Variants in HIVEP3 observed in about 807,000 individuals in gnomAD.
HIVEP3 encodes the protein transcription factor HIVEP3.
In HIVEP3, 49 loss-of-function variants were observed where a neutral mutation model predicts 152.8. The observed-to-expected ratio is 0.32, with a 90% CI of 0.26 to 0.41. The LOEUF is 0.41. Ranked by LOEUF, HIVEP3 falls within the 10% of genes least tolerant of loss-of-function variation. The pLI, the probability that HIVEP3 is intolerant of heterozygous loss-of-function variation, is 1.00. For synonymous variants in HIVEP3, 1,269 were observed against 1,289.0 expected (o/e 0.98, Z 0.33); for missense variants, 2,790 against 3,103.3 (o/e 0.90, Z 2.40).
intron 1 of HIVEP3, among the ~76,000 whole-genome samples, chr1:41,888,306 C>A (rs777298969): frequency 8.6e-5 from 13 of 150,640 alleles, no homozygotes; most frequent in Non-Finnish European, 1.5e-4. Flanking sequence ...CCCACCTTGG[C>A]CTCCCAAAGT....
chr1:41,806,033 C>T (rs965690495), intron 1 of HIVEP3, among the ~76,000 whole-genome samples: 1 of 152,170 alleles, frequency 6.6e-6, no homozygotes, highest in African/African-American at 2.4e-5. Context: ...ATGGTAGAAG[C>T]AGTACCAGCT....
chr1:41,906,770 G>A (rs537800128), intron 1 of HIVEP3, among the ~76,000 whole-genome samples: 2 of 151,980 alleles, frequency 1.3e-5, no homozygotes, highest in South Asian at 2.1e-4. Flanking sequence ...TGAAGCTAAC[G>A]GTGAGAGTTA....
At chr1:41,880,480 T>C (rs1413575014) in intron 1 of HIVEP3, among the ~76,000 whole-genome samples, 1 of 152,212 alleles carries the variant, frequency 6.6e-6, no homozygotes, top group African/African-American at 2.4e-5. Flanking sequence ...GCACCAACTC[T>C]GTAAACACAC....
At chr1:41,702,604 G>T (rs908830301) in intron 1 of HIVEP3, among the ~76,000 whole-genome samples, 1 of 152,040 alleles carries the variant, frequency 6.6e-6, no homozygotes, top group Non-Finnish European at 1.5e-5. Context: ...GATATTGCAG[G>T]TCATTATTAT....
intron 1 of HIVEP3, among the ~76,000 whole-genome samples, chr1:41,741,885 C>A (rs1558229479): frequency 6.6e-6 from 1 of 152,264 alleles, no homozygotes; most frequent in African/African-American, 2.4e-5. Flanking sequence ...ATAGTAGGTA[C>A]TCAGCAAATC....
chr1:41,813,509 G>C (rs1651089299), intron 1 of HIVEP3, among the ~76,000 whole-genome samples: 1 of 152,176 alleles, frequency 6.6e-6, no homozygotes. Context: ...CCTTGCAATT[G>C]TCCATCCCCA....
At chr1:42,017,328 A>T (rs1212287069) in intron 1 of HIVEP3, among the ~76,000 whole-genome samples, 1 of 152,160 alleles carries the variant, frequency 6.6e-6, no homozygotes, top group Non-Finnish European at 1.5e-5. Context: ...AATGAAGTAT[A>T]AGATACATAC....
At chr1:41,899,323 A>T (rs1289305556) in intron 1 of HIVEP3, among the ~76,000 whole-genome samples, 1 of 152,212 alleles carries the variant, frequency 6.6e-6, no homozygotes, top group Non-Finnish European at 1.5e-5. Context: ...TGTCTACCTA[A>T]AAAGAAAAAT....
chr1:41,513,629 A>T lies in HIVEP3; in HGVS notation c.5592T>A (p.Asp1864Glu). The change falls in exon 8 of 9, where the codon GAT becomes GAA. Residue 1864 changes from aspartate (D) to glutamate (E), a missense_variant. Transcript: ENST00000372583. ...CATCCTGGCTCTCCTCCTCATCCTC[A>T]TCCTCGTCTTCGTCCAGGTCTGAGT... ...DSDSDLDEDE[D>E]EDEEESQDEL... The T allele has an allele frequency of 2.5e-6, 4 of 1,613,942 alleles. No homozygotes were observed. Among genetic ancestry groups the T allele is most frequent in the Non-Finnish European group, 3.4e-6 (4 of 1,179,988 alleles).
At chr1:41,587,219 G>A (rs913950789) in intron 3 of HIVEP3, among the ~76,000 whole-genome samples, 18 of 152,076 alleles carry the variant, frequency 1.2e-4, no homozygotes, top group African/African-American at 4.1e-4. Flanking sequence ...ATACAGTGAC[G>A]GATTCAATGA....
At chr1:41,931,606 G>GT (rs1257538394) in intron 1 of HIVEP3, among the ~76,000 whole-genome samples, 1 of 152,022 alleles carries the variant, frequency 6.6e-6, no homozygotes, top group African/African-American at 2.4e-5. Context: ...CATGAATACA[G>GT]TATCTGTATT....
At chr1:41,890,214 C>T (rs1462007387) in intron 1 of HIVEP3, among the ~76,000 whole-genome samples, 1 of 152,238 alleles carries the variant, frequency 6.6e-6, no homozygotes, top group Non-Finnish European at 1.5e-5. Context: ...GCCTGGAATG[C>T]TCAGTCAGCA....
At chr1:41,804,839 A>G (rs1201470732) in intron 1 of HIVEP3, among the ~76,000 whole-genome samples, 3 of 152,192 alleles carry the variant, frequency 2.0e-5, no homozygotes. Flanking sequence ...AGCATCTCCT[A>G]TCCTCACTCC....
At chr1:41,722,966 A>G (rs903894834) in intron 1 of HIVEP3, among the ~76,000 whole-genome samples, 2 of 152,162 alleles carry the variant, frequency 1.3e-5, no homozygotes, top group Non-Finnish European at 2.9e-5. Flanking sequence ...GCTTTGAGGG[A>G]AAGAGGTAAG....
chr1:41,511,058 G>A lies in HIVEP3; in HGVS notation c.6614C>T (p.Ala2205Val), dbSNP rs1396766823. The change falls in exon 9 of 9, where the codon GCC becomes GTC. Residue 2205 changes from alanine (A) to valine (V), a missense_variant. Ala to Val is a moderately conservative substitution (Grantham distance 64). This residue lies in a region of HIVEP3 where 816 missense variants were observed against 806.5 expected (regional missense o/e 1.01). Transcript: ENST00000372583. This position sits in a 1 kb window ranked among gnomAD's most constrained non-coding sequence, Gnocchi z 4.9. ...IPIGGIQMVQ[A>V]RPGAHPTLLP... is the part of the protein sequence containing the mutation. ...CAGGGTGGGGTGGGCTCCTGGCCGG[G>A]CCTGCACCATCTGGATCCCACCGAT... 4.3e-6 allele frequency: 7 copies of A among 1,614,010 alleles called. No individual in the cohort carries two copies. Among genetic ancestry groups the A allele is most frequent in the Non-Finnish European group, 5.9e-6 (7 of 1,180,054 alleles).
At chr1:41,612,307 G>A (rs1429127556) in intron 3 of HIVEP3, among the ~76,000 whole-genome samples, 2 of 152,160 alleles carry the variant, frequency 1.3e-5, no homozygotes, top group East Asian at 3.9e-4. Context: ...TGTTTCAGAT[G>A]GATCATAATC....
chr1:41,745,583 C>T (rs1350566847), intron 1 of HIVEP3, among the ~76,000 whole-genome samples: 3 of 152,212 alleles, frequency 2.0e-5, no homozygotes, highest in African/African-American at 7.2e-5. Flanking sequence ...GCAGAGGAGA[C>T]CCCTGGAATT....
chr1:41,777,301 T>A (rs1158734678), intron 1 of HIVEP3, among the ~76,000 whole-genome samples: 3 of 152,208 alleles, frequency 2.0e-5, no homozygotes, highest in African/African-American at 7.2e-5. Flanking sequence ...TCACACTGCC[T>A]CCTGCCACCA....
intron 1 of HIVEP3, among the ~76,000 whole-genome samples, chr1:41,824,968 G>T (rs1642753289): frequency 6.6e-6 from 1 of 151,790 alleles, no homozygotes; most frequent in Non-Finnish European, 1.5e-5. Context: ...CACCTCCCAG[G>T]TTCAAGTGAT....
Sources: allele counts gnomAD v4.1 joint callset (sites outside exome capture counted in the v4.1 genomes callset), GRCh38; gene constraint gnomAD v4.1.1; regional missense constraint gnomAD v4.1.1; non-coding constraint Gnocchi (gnomAD v3.1); transcripts MANE v1.5; gene names NCBI Gene and HGNC (gene_info 2026-07-23, HGNC 2026-07-21).